SLC25A13: variants seen among roughly 807,000 people sequenced by gnomAD.
SLC25A13 encodes the protein solute carrier family 25 member 13, also known as electrogenic aspartate/glutamate antiporter SLC25A13, mitochondrial.
Under a neutral mutation model 85.5 loss-of-function variants are expected in SLC25A13, and 70 were observed. The ratio of observed to expected loss-of-function variants is 0.82; its 90% confidence interval spans 0.68 to 1.00. The LOEUF (loss-of-function observed/expected upper bound fraction) is 1.00. Among genes scored for constraint, SLC25A13 ranks in the 50% least tolerant of loss-of-function variants. SLC25A13 has a pLI of 0.00. For missense variants in SLC25A13, 765 were observed against 819.8 expected (o/e 0.93, Z 0.82); for synonymous variants, 259 against 288.7 (o/e 0.90, Z 1.04).
At chr7:96,283,558 C>A in intron 2 of SLC25A13, 1 of 343,184 alleles carries the variant, frequency 2.9e-6, no homozygotes, top group South Asian at 2.9e-5. Context: ...CTACAATGCC[C>A]CCAGCATGCT....
At chr7:96,154,294 C>CTTTTTT (rs1161443008) in intron 13 of SLC25A13, among the ~76,000 whole-genome samples, 2 of 125,512 alleles carry the variant, frequency 1.6e-5, no homozygotes. Context: ...CACTGAGTGT[C>CTTTTTT]TTTTTTTTTT....
intron 3 of SLC25A13, among the ~76,000 whole-genome samples, chr7:96,240,731 G>A (rs1474160379): frequency 7.1e-6 from 1 of 139,934 alleles, no homozygotes; most frequent in African/African-American, 2.7e-5. Context: ...GCTACAGAGT[G>A]AGACACCATC....
chr7:96,288,175 A>T (rs1475782486), intron 2 of SLC25A13, among the ~76,000 whole-genome samples: 1 of 152,210 alleles, frequency 6.6e-6, no homozygotes, highest in Non-Finnish European at 1.5e-5. Context: ...TCGTGCCTGT[A>T]ATCCCAGCAC....
chr7:96,230,049 A>C (rs1796480232), intron 4 of SLC25A13, among the ~76,000 whole-genome samples: 3 of 152,250 alleles, frequency 2.0e-5, no homozygotes, highest in African/African-American at 7.2e-5. Flanking sequence ...GCAATGTCAA[A>C]AGCATATTGC....
chr7:96,308,148 C>T (rs2117019388), intron 1 of SLC25A13, among the ~76,000 whole-genome samples: 1 of 141,722 alleles, frequency 7.1e-6, no homozygotes, highest in South Asian at 2.2e-4. Context: ...AGCGAAACTC[C>T]ATCTCCAAAA....
At chr7:96,320,808 G>A (rs113790781) in intron 1 of SLC25A13, among the ~76,000 whole-genome samples, 1 of 152,186 alleles carries the variant, frequency 6.6e-6, no homozygotes, top group Non-Finnish European at 1.5e-5. Context: ...TCATAGAACA[G>A]CATTTAAATA....
At chr7:96,318,273 C>T (rs189090808) in intron 1 of SLC25A13, among the ~76,000 whole-genome samples, 3 of 152,310 alleles carry the variant, frequency 2.0e-5, no homozygotes, top group East Asian at 1.9e-4. Context: ...TTACATCATT[C>T]GTAACGCATA....
chr7:96,164,842 T>C (rs1331491722), intron 13 of SLC25A13, among the ~76,000 whole-genome samples: 1 of 152,144 alleles, frequency 6.6e-6, no homozygotes, highest in African/African-American at 2.4e-5. Context: ...TCTCCATCTA[T>C]ATGCTTTCTA....
At chr7:96,146,502 C>T in intron 14 of SLC25A13, 54 bp downstream of exon 14, 1 of 1,585,690 alleles carries the variant, frequency 6.3e-7, no homozygotes, top group East Asian at 2.2e-5. Flanking sequence ...ATAGTTTCTG[C>T]ATTAGGAGAT....
intron 13 of SLC25A13, among the ~76,000 whole-genome samples, chr7:96,157,422 A>C (rs1186517664): frequency 6.6e-6 from 1 of 152,142 alleles, no homozygotes; most frequent in Non-Finnish European, 1.5e-5. Flanking sequence ...TGCCACCCGA[A>C]TCCCTCTTGC....
At chr7:96,144,512 T>A (rs1021534721) in intron 14 of SLC25A13, among the ~76,000 whole-genome samples, 3 of 152,246 alleles carry the variant, frequency 2.0e-5, no homozygotes, top group Non-Finnish European at 4.4e-5. Context: ...TGTGGAATGC[T>A]TCTGAACTAG....
intron 1 of SLC25A13, among the ~76,000 whole-genome samples, chr7:96,304,611 C>A (rs1417515321): frequency 6.6e-6 from 1 of 152,098 alleles, no homozygotes; most frequent in Non-Finnish European, 1.5e-5. Flanking sequence ...GGAGTAGCAA[C>A]CCCTTCCCCA....
rs1562831551 is a variant in SLC25A13 at position 96,193,073 on chromosome 7, A to T, written c.579T>A (p.His193Gln). 4 of 1,614,060 alleles carry T rather than the reference A, an allele frequency of 2.5e-6. No individual in the cohort carries two copies. The highest frequency in any genetic ancestry group is 2.5e-6 in the Non-Finnish European group (3 of 1,180,008). The change falls in exon 6 of 18, where the codon CAT becomes CAA. Residue 193 changes from histidine (H) to glutamine (Q), a missense_variant. Coordinates refer to ENST00000265631, the MANE Select transcript of SLC25A13 (RefSeq NM_014251.3). The part of the protein sequence containing the change: ...FRDIMVTIRP[H>Q]VLTPFVEECL... ...ATTCTTCTACAAAAGGAGTCAAGAC[A>T]TGGGGGCGGATGGTGACCATGATGT...
intron 12 of SLC25A13, 134 bp from the exon 13 acceptor site, chr7:96,170,259 A>G (rs1793943777): frequency 2.2e-5 from 17 of 787,028 alleles, no homozygotes; most frequent in Non-Finnish European, 2.2e-6. Flanking sequence ...GCACAATTTA[A>G]CAGATCTTAA....
chr7:96,218,023 T>G (rs1390143380), intron 4 of SLC25A13, among the ~76,000 whole-genome samples: 1 of 152,094 alleles, frequency 6.6e-6, no homozygotes, highest in East Asian at 1.9e-4. Context: ...ATATCTATCT[T>G]AGACAGTTTT....
At chr7:96,172,894 G>A (rs1794064650) in intron 11 of SLC25A13, among the ~76,000 whole-genome samples, 1 of 152,074 alleles carries the variant, frequency 6.6e-6, no homozygotes, top group Admixed American at 6.5e-5. Flanking sequence ...GAGTAGCTGG[G>A]ACTATAGGCG....
chr7:96,141,141 GC>G (rs1431352790), intron 14 of SLC25A13, among the ~76,000 whole-genome samples: 1 of 150,930 alleles, frequency 6.6e-6, no homozygotes. Context: ...TCCTGCCTCA[GC>G]CTCCCAAGTA....
rs145734261 is a variant in SLC25A13 at position 96,309,880 on chromosome 7, T to C, written c.15+12062A>G. On this transcript the variant is annotated intron_variant, in intron 1 of 17. Transcript: ENST00000265631. ...GAAGATGACTGGCCATATATGAAGATAGGGTCTTTGAAAAGGTTATTAAGT... is the reference window on the plus strand; with the variant it reads ...GAAGATGACTGGCCATATATGAAGACAGGGTCTTTGAAAAGGTTATTAAGT... 4.1e-4 allele frequency among the ~76,000 whole-genome samples: 62 copies of C among 152,278 alleles called. 1 individual carries two copies. In the East Asian group the frequency reaches 0.012, roughly 28 times the overall value.
chr7:96,192,797 T>C (rs957735177), intron 6 of SLC25A13, among the ~76,000 whole-genome samples: 2 of 152,172 alleles, frequency 1.3e-5, no homozygotes, highest in African/African-American at 4.8e-5. Context: ...TGTTTTTCCT[T>C]TTATCTTTAA....
Sources: allele counts gnomAD v4.1 joint callset (sites outside exome capture counted in the v4.1 genomes callset), GRCh38; gene constraint gnomAD v4.1.1; transcripts MANE v1.5; gene names NCBI Gene and HGNC (gene_info 2026-07-23, HGNC 2026-07-21).